KRT222: variants seen among roughly 807,000 people sequenced by gnomAD.
KRT222 encodes keratin 222.
Under a neutral mutation model 35.0 loss-of-function variants are expected in KRT222, and 23 were observed. That is an observed-to-expected ratio of 0.66 (90% CI 0.47 to 0.93). The LOEUF (loss-of-function observed/expected upper bound fraction) is 0.93, where lower values mean the gene tolerates loss of function less well. Among genes scored for constraint, KRT222 ranks in the 40% least tolerant of loss-of-function variants. The pLI is 0.00. For missense variants in KRT222, 339 were observed against 346.3 expected (o/e 0.98, Z 0.17); for synonymous variants, 108 against 118.8 (o/e 0.91, Z 0.59).
chr17:40,658,435 A>G (rs575346530), intron 3 of KRT222, among the ~76,000 whole-genome samples: 16 of 152,296 alleles, frequency 1.1e-4, no homozygotes, highest in African/African-American at 3.8e-4. Flanking sequence ...ATACATATAC[A>G]TATGTATATA....
Position 40,662,010 on chromosome 17 carries a change from T to G in KRT222, c.131A>C (p.Asp44Ala), listed in dbSNP as rs777621038. Residue 44 changes from aspartate (D) to alanine (A), a missense_variant, in exon 2 of 6, where the codon GAT (aspartate) becomes GCT (alanine). Asp to Ala is a moderately radical substitution (Grantham distance 126, BLOSUM62 -2). Transcript: ENST00000394052. ...EEDISKKMDK[D>A]EEALKAAQAE... ...TTGAGCTGCCTTCAAAGCCTCTTCATCTTTGTCCATTTTTTTGCTTATGTC... is the reference window on the plus strand; with the variant it reads ...TTGAGCTGCCTTCAAAGCCTCTTCAGCTTTGTCCATTTTTTTGCTTATGTC... The G allele has an allele frequency of 6.2e-6, 10 of 1,614,026 alleles. No homozygotes were observed. The highest frequency in any genetic ancestry group is 1.7e-5 in the Admixed American group (1 of 59,994).
chr17:40,660,441 G>A (rs565152683), intron 2 of KRT222, among the ~76,000 whole-genome samples: 4 of 151,944 alleles, frequency 2.6e-5, no homozygotes, highest in African/African-American at 7.2e-5. Flanking sequence ...CACCACGCCC[G>A]GCTAATTTTT....
At chr17:40,660,336 A>G in intron 2 of KRT222, 129 bp from the exon 3 acceptor site, 1 of 710,958 alleles carries the variant, frequency 1.4e-6, no homozygotes. Context: ...AGTGTAGTGC[A>G]ATGCCATGAT....
At chr17:40,659,155 CTCTTT>C (rs1567853148) in intron 3 of KRT222, among the ~76,000 whole-genome samples, 3 of 134,614 alleles carry the variant, frequency 2.2e-5, no homozygotes, top group Admixed American at 7.8e-5. Context: ...CTCTCTCTCT[CTCTTT>C]TTTTTTTTTT....
intron 2 of KRT222, among the ~76,000 whole-genome samples, chr17:40,661,665 T>C (rs2037384697): frequency 6.6e-6 from 1 of 152,162 alleles, no homozygotes; most frequent in South Asian, 2.1e-4. Context: ...CTTCAGCAAC[T>C]AGAAAATCCC....
At chr17:40,656,688 G>A in intron 5 of KRT222, 58 bp from the exon 6 acceptor site, 6 of 886,278 alleles carry the variant, frequency 6.8e-6, no homozygotes, top group Non-Finnish European at 1.1e-5. Flanking sequence ...TTAAAAATAT[G>A]TATTATATAT....
intron 5 of KRT222, 61 bp downstream of exon 5, chr17:40,657,291 G>T: frequency 2.6e-6 from 3 of 1,165,022 alleles, no homozygotes; most frequent in Non-Finnish European, 2.3e-6. Context: ...CTGGGATTAC[G>T]CAAAGTTAAT....
rs780374030 is a variant in KRT222 at position 40,657,464 on chromosome 17, T to C, written c.547A>G (p.Thr183Ala). Residue 183 changes from threonine (T) to alanine (A), a missense_variant, in exon 5 of 6, where the codon ACT becomes GCT. Thr to Ala is a moderately conservative substitution (Grantham distance 58, BLOSUM62 0). Transcript: ENST00000394052. ...TCATACTTTTGTGGGACTTTTGTAG[T>C]AAAAGATATTTCATTTATAATGGCT... ...PSAIINEISFTTKVPQKYENE... is the reference protein window; with the variant it reads ...PSAIINEISFATKVPQKYENE... 79 of 1,602,844 alleles carry C rather than the reference T, an allele frequency of 4.9e-5. No individual in the cohort carries two copies. Among genetic ancestry groups the C allele is most frequent in the Non-Finnish European group, 6.6e-5 (78 of 1,173,628 alleles).
intron 3 of KRT222, 58 bp downstream of exon 3, chr17:40,659,928 AT>A: frequency 1.4e-6 from 2 of 1,398,120 alleles, no homozygotes; most frequent in Non-Finnish European, 1.0e-6. Context: ...TACATCAACA[AT>A]GGCATAAGTG....
In KRT222 at chr17:40,665,074, T is replaced by C; in HGVS notation, c.26A>G (p.Glu9Gly). The change falls in exon 1 of 6, where the codon GAG becomes GGG. Residue 9 changes from glutamate (E) to glycine (G), a missense_variant. Physicochemically the swap from Glu to Gly is moderately conservative, Grantham distance 98. Transcript: ENST00000394052. ...GATCTTTTCATAGTTTGCCCTGATC[T>C]CATTGAGTAGCTGGGACAGTTCCAT... MELSQLLN[E>G]IRANYEKILT... 6.2e-7 allele frequency: 1 copy of C among 1,614,054 alleles called. No homozygotes were observed. The highest frequency in any genetic ancestry group is 1.3e-5 in the African/African-American group (1 of 75,038).
intron 5 of KRT222, 108 bp downstream of exon 5, chr17:40,657,244 C>T (rs2037351582): frequency 1.6e-6 from 1 of 621,210 alleles, no homozygotes; most frequent in African/African-American, 1.9e-5. Context: ...TATACTAAAA[C>T]TATGTTTGGA....
Position 40,656,220 on chromosome 17 carries a change from A to G in KRT222, c.*182T>C. The G allele has an allele frequency of 3.6e-6, 2 of 550,286 alleles. No individual in the cohort carries two copies. Among genetic ancestry groups the G allele is most frequent in the East Asian group, 2.9e-5 (1 of 34,436 alleles). 34.1% of individuals were successfully genotyped at this position (550,286 alleles called of 1,614,324 possible). ...CATTCATATATATATATATATGTCT[A>G]TCTCCATAATTAGATTCAGAGAAAT... is the stretch of plus-strand genomic sequence containing the variant. On this transcript the variant is annotated 3_prime_UTR_variant, in exon 6 of 6. Coordinates refer to ENST00000394052, the MANE Select transcript of KRT222 (RefSeq NM_152349.3).
chr17:40,660,350 G>A lies in KRT222; in HGVS notation c.226-143C>T, dbSNP rs1303788605. 4 of 640,756 alleles carry A rather than the reference G, an allele frequency of 6.2e-6. No homozygotes were observed. The South Asian group carries it at 6.3e-5, about 10-fold the overall frequency. 39.7% of individuals were successfully genotyped at this position (640,756 alleles called of 1,614,324 possible). ...GAGTGTAGTGCAATGCCATGATCTCGGTTCACTGGAAACTCCACCTCCTGG... is the reference window on the plus strand; with the variant it reads ...GAGTGTAGTGCAATGCCATGATCTCAGTTCACTGGAAACTCCACCTCCTGG... On this transcript the variant is annotated intron_variant, in intron 2 of 5. Transcript: ENST00000394052.
Position 40,660,175 on chromosome 17 carries a change from G to A in KRT222, c.258C>T (p.Ser86=), listed in dbSNP as rs1373928076. The A allele has an allele frequency of 1.9e-6, 3 of 1,613,802 alleles. No homozygotes were observed. The highest frequency in any genetic ancestry group is 2.7e-5 in the African/African-American group (2 of 74,850). ...ERGLENSLHA[S]EQHYQMQLQD... The stretch of plus-strand genomic sequence containing the variant: ...GCAGCTGCATCTGGTAATGCTGCTC[G>A]CTGGCATGTAGGGAGTTTTCAAGGC... Residue 86 remains serine (S), a synonymous_variant, in exon 3 of 6, where the codon AGC becomes AGT. Transcript: ENST00000394052.
Position 40,657,346 on chromosome 17 carries a change from A to G in KRT222, c.659+6T>C, listed in dbSNP as rs775713920. 1.3e-6 allele frequency: 2 copies of G among 1,525,124 alleles called. No homozygotes were observed. 94.5% of individuals were successfully genotyped at this position (1,525,124 alleles called of 1,614,324 possible). ...ATTATTTCTTAGTCAAAGTTTCTTTACTTACTGAATAGTGCCATGAGCTTC... is the reference window on the plus strand; with the variant it reads ...ATTATTTCTTAGTCAAAGTTTCTTTGCTTACTGAATAGTGCCATGAGCTTC... On this transcript the variant is annotated splice_donor_region_variant and intron_variant, in intron 5 of 5. Transcript: ENST00000394052.
chr17:40,657,445 T>G lies in KRT222; in HGVS notation c.566A>C (p.Lys189Thr). ...EISFTTKVPQ[K>T]YENENVETVT... ...TGTTTCTACATTTTCATTCTCATAC[T>G]TTTGTGGGACTTTTGTAGTAAAAGA... The change falls in exon 5 of 6, where the codon AAG (lysine) becomes ACG (threonine). Residue 189 changes from lysine (K) to threonine (T), a missense_variant. Coordinates refer to ENST00000394052, the MANE Select transcript of KRT222 (RefSeq NM_152349.3). 11 of 1,609,540 alleles carry G rather than the reference T, an allele frequency of 6.8e-6. No homozygotes were observed. The highest frequency in any genetic ancestry group is 9.3e-6 in the Non-Finnish European group (11 of 1,177,884).
intron 1 of KRT222, among the ~76,000 whole-genome samples, chr17:40,663,313 G>A (rs2144035542): frequency 6.6e-6 from 1 of 152,146 alleles, no homozygotes; most frequent in East Asian, 1.9e-4. Context: ...CCTGGGTCTT[G>A]CTTTAACCAG....
At chr17:40,660,553 A>T (rs1478301363) in intron 2 of KRT222, among the ~76,000 whole-genome samples, 1 of 152,158 alleles carries the variant, frequency 6.6e-6, no homozygotes, top group Non-Finnish European at 1.5e-5. Context: ...TGCTGGGATG[A>T]CAGGCTTGAG....
Position 40,656,279 on chromosome 17 carries a change from A to C in KRT222, c.*123T>G, listed in dbSNP as rs2037342964. The C allele has an allele frequency of 1.5e-6, 1 of 655,698 alleles. No homozygotes were observed. Among genetic ancestry groups the C allele is most frequent in the Non-Finnish European group, 2.7e-6 (1 of 369,324 alleles). The allele number at this position is 655,698 out of a possible 1,614,324, so 40.6% of individuals were successfully genotyped here. ...TTGTTTTTTTCTTCTGAAGAGAACC[A>C]CATATTGATCATAACATTTTCCATA... On this transcript the variant is annotated 3_prime_UTR_variant, in exon 6 of 6. Transcript: ENST00000394052.
Sources: gnomAD v4.1 joint callset for allele counts (sites outside exome capture counted in the v4.1 genomes callset) on GRCh38, gnomAD v4.1.1 for gene constraint, MANE v1.5 for transcripts, NCBI Gene and HGNC (gene_info 2026-07-23, HGNC 2026-07-21) for gene names.